The following PRKAB1 variants were observed in gnomAD, a reference collection of about 807,000 sequenced individuals.
The protein encoded by PRKAB1 is 5'-AMP-activated protein kinase subunit beta-1.
In PRKAB1, 18 loss-of-function variants were observed where a neutral mutation model predicts 32.0. The ratio of observed to expected loss-of-function variants is 0.56; its 90% CI spans 0.39 to 0.83. The LOEUF (loss-of-function observed/expected upper bound fraction) is 0.83, where lower values mean the gene tolerates loss of function less well. Ranked by LOEUF, PRKAB1 falls within the 40% of genes least tolerant of loss-of-function variation. The pLI is 0.00. For missense variants in PRKAB1, 263 were observed against 352.6 expected, an observed-to-expected ratio of 0.75 and a Z score of 2.03; for synonymous variants, 141 against 141.4, an observed-to-expected ratio of 1.00 and a Z score of 0.02.
At chr12:119,678,058 C>T (rs1309535312) in intron 5 of PRKAB1, 1 of 152,248 alleles carries the variant, frequency 6.6e-6, no homozygotes, top group African/African-American at 2.4e-5. Context: ...ACCACCGTGC[C>T]TGGCCAGGTT....
At chr12:119,671,464 TAC>T in intron 1 of PRKAB1, 1 of 417,582 alleles carries the variant, frequency 2.4e-6, no homozygotes, top group Non-Finnish European at 4.8e-6. Context: ...TTAGGAAACT[TAC>T]AATCATGGTA....
chr12:119,668,573 C>T (rs913031127), intron 1 of PRKAB1, among the ~76,000 whole-genome samples, 170 bp downstream of exon 1: 1 of 152,206 alleles, frequency 6.6e-6, no homozygotes, highest in Admixed American at 6.5e-5. Context: ...TCTTAGCGGT[C>T]CAAGAACCTG....
rs371695692 is a variant in PRKAB1, at chr12:119,679,661, C to G, written c.667-272C>G. ...CCCACCCTCCATAAGAGGACAGGGC[C>G]GTGGCCCACACTTGAAAGAGGCCGG... On this transcript the variant is annotated intron_variant, in intron 5 of 6. Transcript: ENST00000229328. This position sits in a 1 kb window ranked among gnomAD's most constrained non-coding sequence, Gnocchi z 4.1. 2.1e-5 allele frequency: 10 copies of G among 469,278 alleles called. No individual in the cohort carries two copies. In the East Asian group the frequency reaches 3.0e-4, roughly 14 times the overall value. 29.1% of individuals were successfully genotyped at this position (469,278 alleles called of 1,614,324 possible). A position where few individuals can be genotyped will look rare whatever the true frequency, so the allele number is the denominator to read the frequency against.
Position 119,672,391 on chromosome 12 carries a change from T to C in PRKAB1, c.250T>C (p.Trp84Arg), listed in dbSNP as rs1955394691. Residue 84 changes from tryptophan (W) to arginine (R), a missense_variant, in exon 2 of 7, where the codon TGG (tryptophan) becomes CGG (arginine). By Grantham distance (101) the Trp-to-Arg change is moderately radical. Transcript: ENST00000229328. ...PAQARPTVFR[W>R]TGGGKEVYLS... ...CCAGGCTCGGCCAACGGTGTTTCGA[T>C]GGACGGGGGGCGGAAAGGAAGTTTA... The C allele has an allele frequency of 6.2e-7, 1 of 1,612,890 alleles. No homozygotes were observed. Among genetic ancestry groups the C allele is most frequent in the South Asian group, 1.1e-5 (1 of 90,754 alleles).
Position 119,668,315 on chromosome 12 carries a change from G to C in PRKAB1, c.71G>C (p.Ser24Thr). Residue 24 changes from serine (S) to threonine (T), a missense_variant, in exon 1 of 7, where the codon AGC becomes ACC. Ser to Thr is a moderately conservative substitution (Grantham distance 58). Coordinates refer to ENST00000229328, the MANE Select transcript of PRKAB1 (RefSeq NM_006253.5). ...HGGHKTPRRD[S>T]SGGTKDGDRP... The stretch of plus-strand genomic sequence containing the variant: ...GGCCATAAGACGCCCCGGAGGGACA[G>C]CTCGGGGGGCACCAAGGACGGGGAC... 1 of 1,613,112 alleles carries C rather than the reference G, an allele frequency of 6.2e-7. No homozygotes were observed.
chr12:119,678,210 C>T (rs1955440971), intron 5 of PRKAB1: 1 of 152,214 alleles, frequency 6.6e-6, no homozygotes, highest in Non-Finnish European at 1.5e-5. Context: ...GCACTAAGCT[C>T]TAATGTAAAC....
Position 119,674,398 on chromosome 12 carries a change from A to G in PRKAB1, c.476A>G (p.Asp159Gly). 6.2e-7 allele frequency: 1 copy of G among 1,614,184 alleles called. No individual in the cohort carries two copies. The highest frequency in any genetic ancestry group is 8.5e-7 in the Non-Finnish European group (1 of 1,180,004). Residue 159 changes from aspartate to glycine, a missense_variant, in exon 4 of 7, where the codon GAC becomes GGC. Physicochemically the swap from Asp to Gly is moderately conservative, Grantham distance 94. Coordinates refer to ENST00000229328, the MANE Select transcript of PRKAB1 (RefSeq NM_006253.5). This position sits in a 1 kb window ranked among gnomAD's most constrained non-coding sequence, Gnocchi z 4.3. ...VNNIIQVKKT[D>G]FEVFDALMVD... ...AACATCATTCAAGTGAAGAAAACTG[A>G]CTTTGAAGTATTTGATGCTTTAATG...
Position 119,668,230 on chromosome 12 carries a change from C to T in PRKAB1, c.-15C>T. The T allele has an allele frequency of 6.4e-7, 1 of 1,568,754 alleles. No homozygotes were observed. Among genetic ancestry groups the T allele is most frequent in the Non-Finnish European group, 8.6e-7 (1 of 1,162,980 alleles). On this transcript the variant is annotated 5_prime_UTR_variant, in exon 1 of 7. Transcript: ENST00000229328. ...GGCGCCGTCCGCCTTCCCTGTGTCC[C>T]CGCAGACCCCCATCATGGGCAATAC...
chr12:119,670,420 G>T (rs1009579411), intron 1 of PRKAB1, among the ~76,000 whole-genome samples: 2 of 152,186 alleles, frequency 1.3e-5, no homozygotes, highest in Non-Finnish European at 2.9e-5. Flanking sequence ...CAAAGAGGCT[G>T]CTTTTATGTG....
At chr12:119,673,642 G>T (rs1955402905) in intron 2 of PRKAB1, among the ~76,000 whole-genome samples, 1 of 152,218 alleles carries the variant, frequency 6.6e-6, no homozygotes, top group Admixed American at 6.5e-5. Flanking sequence ...ATCTTGTGTT[G>T]TCATCCTCCT....
In PRKAB1 at chr12:119,674,429, T is replaced by C; in HGVS notation, c.507T>C (p.Asp169=). 6.2e-7 allele frequency: 1 copy of C among 1,613,776 alleles called. No homozygotes were observed. Among genetic ancestry groups the C allele is most frequent in the Non-Finnish European group, 8.5e-7 (1 of 1,179,614 alleles). The part of the protein sequence containing the change: ...DFEVFDALMV[D]SQKCSDVSEL... ...AAGTATTTGATGCTTTAATGGTGGA[T>C]TCCCAAAAGTGCTCCGATGTGTCTG... is the stretch of plus-strand genomic sequence containing the variant. The change falls in exon 4 of 7, where the codon GAT becomes GAC. Residue 169 remains aspartate (D), a synonymous_variant. Coordinates refer to ENST00000229328, the MANE Select transcript of PRKAB1 (RefSeq NM_006253.5). This position sits in a 1 kb window ranked among gnomAD's most constrained non-coding sequence, Gnocchi z 4.3.
chr12:119,668,521 T>G, intron 1 of PRKAB1, 118 bp downstream of exon 1: 1 of 1,368,872 alleles, frequency 7.3e-7, no homozygotes, highest in Non-Finnish European at 9.9e-7. Context: ...AGGTGGTACA[T>G]TACCCGGTGC....
chr12:119,668,122 C>T, upstream of PRKAB1: 1 of 1,221,516 alleles, frequency 8.2e-7, no homozygotes, highest in African/African-American at 1.6e-5. Context: ...GGCGTGGTGT[C>T]CTGGTGCTCC....
chr12:119,675,830 C>T (rs1478418617), intron 4 of PRKAB1, among the ~76,000 whole-genome samples: 1 of 152,152 alleles, frequency 6.6e-6, no homozygotes, highest in Non-Finnish European at 1.5e-5. Context: ...ATCTGGCGAC[C>T]AGAACCATCC....
intron 1 of PRKAB1, chr12:119,669,746 T>C: frequency 6.6e-6 from 1 of 152,254 alleles, no homozygotes; most frequent in Non-Finnish European, 1.5e-5. Flanking sequence ...GCTAATTTTG[T>C]GTATTTTTGG....
intron 1 of PRKAB1, chr12:119,671,721 T>C (rs1955390178): frequency 5.6e-6 from 1 of 178,932 alleles, no homozygotes; most frequent in Non-Finnish European, 1.2e-5. Flanking sequence ...GTCTATATGG[T>C]GTAACCTGTT....
intron 4 of PRKAB1, among the ~76,000 whole-genome samples, chr12:119,675,638 G>C (rs278147): frequency 2.6e-5 from 4 of 151,976 alleles, no homozygotes; most frequent in Admixed American, 2.0e-4. Flanking sequence ...CTTCTGTTTC[G>C]ACACTTACTT....
chr12:119,668,468 G>A (rs1955357862), intron 1 of PRKAB1, 65 bp downstream of exon 1: 9 of 1,570,088 alleles, frequency 5.7e-6, no homozygotes, highest in Non-Finnish European at 7.8e-6. Context: ...CCCTCCACTA[G>A]ATTCCCGTCA....
Position 119,672,395 on chromosome 12 carries a change from C to T in PRKAB1, c.254C>T (p.Thr85Met), listed in dbSNP as rs756238637. 1.3e-5 allele frequency: 21 copies of T among 1,611,246 alleles called. No homozygotes were observed. The highest frequency in any genetic ancestry group is 3.4e-5 in the Admixed American group (2 of 59,584). Residue 85 changes from threonine to methionine, a missense_variant, in exon 2 of 7, where the codon ACG becomes ATG. Thr to Met is a moderately conservative substitution (Grantham distance 81, BLOSUM62 -1). Coordinates refer to ENST00000229328, the MANE Select transcript of PRKAB1 (RefSeq NM_006253.5). ...GCTCGGCCAACGGTGTTTCGATGGA[C>T]GGGGGGCGGAAAGGAAGTTTACTTA... ...AQARPTVFRW[T>M]GGGKEVYLSG...
Sources: gnomAD v4.1 joint callset for allele counts (sites outside exome capture counted in the v4.1 genomes callset) on GRCh38, gnomAD v4.1.1 for gene constraint, Gnocchi (gnomAD v3.1) non-coding constraint, MANE v1.5 for transcripts, NCBI Gene and HGNC (gene_info 2026-07-23, HGNC 2026-07-21) for gene names.